Variants in IL5RA observed in about 807,000 individuals in gnomAD.
IL5RA encodes interleukin 5 receptor subunit alpha, also known as interleukin-5 receptor subunit alpha.
IL5RA carries 49 observed loss-of-function variants against 50.0 expected under a neutral mutation model. The observed-to-expected ratio is 0.98, with a 90% CI of 0.78 to 1.24. IL5RA has a LOEUF of 1.24. Among genes scored for constraint, IL5RA ranks in the 50% most tolerant of loss-of-function variants. The pLI, the probability that IL5RA is intolerant of heterozygous loss-of-function variation, is 0.00. For missense variants in IL5RA, 600 were observed against 500.4 expected, an observed-to-expected ratio of 1.20 and a Z score of -1.90; for synonymous variants, 202 against 174.0, an observed-to-expected ratio of 1.16 and a Z score of -1.26.
At chr3:3,107,639 T>C (rs1223151824) in intron 2 of IL5RA, among the ~76,000 whole-genome samples, 3 of 152,186 alleles carry the variant, frequency 2.0e-5, no homozygotes, top group Non-Finnish European at 4.4e-5. Flanking sequence ...TGTTTATCTA[T>C]CACCAGGAAG....
intron 9 of IL5RA, among the ~76,000 whole-genome samples, chr3:3,090,570 C>CT (rs35917277): frequency 0.11 from 12,927 of 113,462 alleles, 2,177 homozygotes; most frequent in African/African-American, 0.36. Flanking sequence ...TCTTTTCTTT[C>CT]TTTTTTTTTT....
intron 9 of IL5RA, chr3:3,091,992 A>G: frequency 2.5e-6 from 3 of 1,221,630 alleles, no homozygotes; most frequent in Non-Finnish European, 2.0e-6. Flanking sequence ...GAAAAAAAAC[A>G]GGCACCAGGT....
intron 2 of IL5RA, among the ~76,000 whole-genome samples, chr3:3,107,961 C>T (rs1704009620): frequency 6.6e-6 from 1 of 152,024 alleles, no homozygotes; most frequent in Non-Finnish European, 1.5e-5. Context: ...CTGCCTGGGG[C>T]GTTCGTTTTA....
In IL5RA at chr3:3,084,950, T is replaced by A. The variant is rs17879564; in HGVS notation, c.994+7274A>T. 7.1e-3 allele frequency among the ~76,000 whole-genome samples: 1,089 copies of A among 152,360 alleles called. 12 individuals are homozygous for A. The highest frequency in any genetic ancestry group is 0.025 in the African/African-American group (1,020 of 41,586). ...GCAGAATGTATGCCTAGAAGGGTGA[T>A]GTAGGCACCAATAGAGGTGGCTGCG... On this transcript the variant is annotated intron_variant, in intron 9 of 11. Transcript: ENST00000446632.
intron 7 of IL5RA, 100 bp from the exon 8 acceptor site, chr3:3,095,544 A>G: frequency 2.0e-6 from 2 of 997,356 alleles, no homozygotes; most frequent in Non-Finnish European, 3.0e-6. Context: ...TTTCTAAGAT[A>G]CGCTTTTTTC....
At chr3:3,083,479 C>T (rs1702739852) in intron 9 of IL5RA, among the ~76,000 whole-genome samples, 2 of 152,148 alleles carry the variant, frequency 1.3e-5, no homozygotes, top group Admixed American at 1.3e-4. Flanking sequence ...TCAGGATCAG[C>T]TGGATGGCTC....
At chr3:3,087,398 C>T (rs577689066) in intron 9 of IL5RA, among the ~76,000 whole-genome samples, 12 of 152,282 alleles carry the variant, frequency 7.9e-5, no homozygotes, top group Non-Finnish European at 1.5e-4. Flanking sequence ...ACAGCACCCC[C>T]AGCCTCTCCC....
rs773475131 is a variant in IL5RA at position 3,076,524 on chromosome 3, C to T, written c.1091+7G>A. On this transcript the variant is annotated splice_region_variant and intron_variant, in intron 10 of 11. Coordinates refer to ENST00000446632, the MANE Select transcript of IL5RA (RefSeq NM_175726.4). ...ACTGCAAGCACGCAAATGTAAAGAA[C>T]ACTTACATTTTACAGATAAGCGAGA... The T allele has an allele frequency of 1.9e-6, 3 of 1,568,494 alleles. No homozygotes were observed. Among genetic ancestry groups the T allele is most frequent in the East Asian group, 4.5e-5 (2 of 44,614 alleles).
intron 9 of IL5RA, among the ~76,000 whole-genome samples, chr3:3,078,396 C>T (rs994669848): frequency 2.0e-5 from 3 of 152,170 alleles, no homozygotes; most frequent in Non-Finnish European, 4.4e-5. Flanking sequence ...TTCTACCTCC[C>T]GAAAGTTTTA....
intron 2 of IL5RA, among the ~76,000 whole-genome samples, chr3:3,106,557 A>T (rs540494630): frequency 8.7e-5 from 13 of 149,906 alleles, no homozygotes; most frequent in South Asian, 4.2e-4. Flanking sequence ...TGTAGAAATT[A>T]AAAAAAAAAT....
intron 9 of IL5RA, among the ~76,000 whole-genome samples, chr3:3,083,768 A>G (rs340811): frequency 0.35 from 53,804 of 152,098 alleles, 9,665 homozygotes; most frequent in African/African-American, 0.41. Flanking sequence ...TTAGTCCTAG[A>G]CCAAGTGTGG....
At position 3,110,307 on chromosome 3, in the gene IL5RA, T is replaced by C. The variant is rs1053810784; in HGVS notation, c.-508A>G. 6.6e-6 allele frequency: 1 copy of C among 152,230 alleles called. No individual in the cohort carries two copies. The highest frequency in any genetic ancestry group is 1.5e-5 in the Non-Finnish European group (1 of 68,050). The allele number at this position is 152,230 out of a possible 1,614,324, so 9.4% of individuals were successfully genotyped here. ...TCTCTTCAGGAGTGGGAATTAACTT[T>C]TACTCATGGTGACAAGGTAAACAAG... On this transcript the variant is annotated 5_prime_UTR_variant, in exon 1 of 12. Transcript: ENST00000446632.
chr3:3,109,762 G>A (rs1468780222), intron 1 of IL5RA, 183 bp downstream of exon 1: 5 of 152,090 alleles, frequency 3.3e-5, no homozygotes, highest in African/African-American at 1.2e-4. Context: ...CCTTTTTGTT[G>A]TTTACAAGTT....
At position 3,080,293 on chromosome 3, in the gene IL5RA, G is replaced by C. The variant is rs114976603; in HGVS notation, c.995-3666C>G. 1.4e-3 allele frequency among the ~76,000 whole-genome samples: 208 copies of C among 152,262 alleles called. 2 individuals carry two copies. Among genetic ancestry groups the C allele is most frequent in the African/African-American group, 4.8e-3 (201 of 41,550 alleles). On this transcript the variant is annotated intron_variant, in intron 9 of 11. Coordinates refer to ENST00000446632, the MANE Select transcript of IL5RA (RefSeq NM_175726.4). The stretch of plus-strand genomic sequence containing the variant: ...TGGACACTATTATTCTCACTGTACA[G>C]ATGGAGGAACTGAGGCAGAAAAGGA...
intron 3 of IL5RA, among the ~76,000 whole-genome samples, chr3:3,104,317 G>T (rs144806950): frequency 2.0e-5 from 3 of 152,356 alleles, no homozygotes; most frequent in African/African-American, 7.2e-5. Flanking sequence ...GGGATTACAG[G>T]TGTGAGCCAC....
Position 3,098,167 on chromosome 3 carries a change from G to C in IL5RA, c.491C>G (p.Pro164Arg). 6.2e-7 allele frequency: 1 copy of C among 1,614,138 alleles called. No homozygotes were observed. The highest frequency in any genetic ancestry group is 8.5e-7 in the Non-Finnish European group (1 of 1,180,022). ...HCTWLVGTDA[P>R]EDTQYFLYYR... ...GTAGAGAAAATACTGCGTGTCCTCAGGGGCATCTGTGCCAACAAGCCAGGT... is the reference window on the plus strand; with the variant it reads ...GTAGAGAAAATACTGCGTGTCCTCACGGGCATCTGTGCCAACAAGCCAGGT... The change falls in exon 6 of 12, where the codon CCT becomes CGT. Residue 164 changes from proline to arginine, a missense_variant. Coordinates refer to ENST00000446632, the MANE Select transcript of IL5RA (RefSeq NM_175726.4).
At chr3:3,080,291 C>T (rs1702620429) in intron 9 of IL5RA, among the ~76,000 whole-genome samples, 1 of 152,130 alleles carries the variant, frequency 6.6e-6, no homozygotes, top group East Asian at 1.9e-4. Flanking sequence ...TCTCACTGTA[C>T]AGATGGAGGA....
intron 9 of IL5RA, among the ~76,000 whole-genome samples, chr3:3,089,027 A>G (rs1254087456): frequency 6.6e-6 from 1 of 152,092 alleles, no homozygotes; most frequent in Non-Finnish European, 1.5e-5. Flanking sequence ...AAATGGAGCC[A>G]TGTCGAGGAA....
intron 10 of IL5RA, among the ~76,000 whole-genome samples, chr3:3,075,174 C>T (rs1283707628): frequency 7.1e-6 from 1 of 140,612 alleles, no homozygotes; most frequent in Non-Finnish European, 1.5e-5. Context: ...ATTCCTTCCT[C>T]AATTATGTTT....
Sources: gnomAD v4.1 joint callset for allele counts (sites outside exome capture counted in the v4.1 genomes callset) on GRCh38, gnomAD v4.1.1 for gene constraint, MANE v1.5 for transcripts, NCBI Gene and HGNC (gene_info 2026-07-23, HGNC 2026-07-21) for gene names.